USP6NL: variants seen among roughly 807,000 people sequenced by gnomAD.
USP6NL encodes USP6 N-terminal like.
USP6NL carries 26 observed loss-of-function variants against 61.9 expected under a neutral mutation model. The ratio of observed to expected loss-of-function variants is 0.42; its 90% CI spans 0.31 to 0.58. The LOEUF is 0.58. Ranked by LOEUF, USP6NL falls within the 20% of genes least tolerant of loss-of-function variation. USP6NL has a pLI of 0.16. For synonymous variants in USP6NL, 432 were observed against 390.1 expected (o/e 1.11, Z -1.27); for missense variants, 1,114 against 1,034.3 (o/e 1.08, Z -1.06).
At chr10:11,509,505 A>C in intron 6 of USP6NL, 90 bp downstream of exon 6, 3 of 1,234,694 alleles carry the variant, frequency 2.4e-6, no homozygotes, top group Non-Finnish European at 3.3e-6. Context: ...ATATGAATGT[A>C]ACACTCTTAT....
chr10:11,570,694 C>G (rs899432146), intron 2 of USP6NL, among the ~76,000 whole-genome samples: 1 of 152,190 alleles, frequency 6.6e-6, no homozygotes, highest in African/African-American at 2.4e-5. Flanking sequence ...CAGTAACACA[C>G]AGCTCTTATG....
chr10:11,577,816 G>A (rs758968841), intron 2 of USP6NL, among the ~76,000 whole-genome samples: 7 of 152,276 alleles, frequency 4.6e-5, no homozygotes, highest in South Asian at 2.1e-4. Flanking sequence ...GATTACAGGC[G>A]TGAGCCACTG....
chr10:11,463,373 C>T lies in USP6NL; in HGVS notation c.1555G>A (p.Val519Ile), dbSNP rs200955103. ...RAAHPALAVT[V>I]PGPAEVRVSN... is the part of the protein sequence containing the mutation. Reference sequence around the variant, plus strand: ...ACCCGCACCTCGGCAGGACCTGGGACGGTAACTGCGAGCGCGGGGTGCGCT... The same window carrying T: ...ACCCGCACCTCGGCAGGACCTGGGATGGTAACTGCGAGCGCGGGGTGCGCT... The change falls in exon 15 of 15, where the codon GTC (valine) becomes ATC (isoleucine). Residue 519 changes from valine to isoleucine, a missense_variant. Transcript: ENST00000609104. The surrounding 1 kb of genome is among the most constrained non-coding windows in gnomAD (Gnocchi z 6.3). 7.9e-4 allele frequency: 1,279 copies of T among 1,614,016 alleles called. 13 individuals are homozygous for T. In the African/African-American group the frequency reaches 0.014, roughly 18 times the overall value.
chr10:11,485,233 T>C lies in USP6NL; in HGVS notation c.761A>G (p.Asp254Gly). 1.3e-6 allele frequency: 2 copies of C among 1,520,400 alleles called. No homozygotes were observed. The highest frequency in any genetic ancestry group is 1.8e-6 in the Non-Finnish European group (2 of 1,138,972). 94.2% of individuals were successfully genotyped at this position (1,520,400 alleles called of 1,614,324 possible). ...KFLSKLKQHL[D>G]SQEIYTSFYT... Reference sequence around the variant, plus strand: ...AAAACTTGTGTAGATTTCTTGAGAATCCTGAAAAAACAAAGAGCTCACAAT... The same window carrying C: ...AAAACTTGTGTAGATTTCTTGAGAACCCTGAAAAAACAAAGAGCTCACAAT... The change falls in exon 12 of 15, where the codon GAT (aspartate) becomes GGT (glycine). Residue 254 changes from aspartate to glycine, a missense_variant and splice_region_variant. By Grantham distance (94) the Asp-to-Gly change is moderately conservative. Transcript: ENST00000609104. The surrounding 1 kb of genome is among the most constrained non-coding windows in gnomAD (Gnocchi z 4.8).
In USP6NL at chr10:11,462,575, G is replaced by A. The variant is rs1566106170; in HGVS notation, c.2353C>T (p.Pro785Ser). The A allele has an allele frequency of 6.2e-7, 1 of 1,613,996 alleles. No individual in the cohort carries two copies. Among genetic ancestry groups the A allele is most frequent in the Non-Finnish European group, 8.5e-7 (1 of 1,179,888 alleles). The change falls in exon 15 of 15, where the codon CCC (proline) becomes TCC (serine). Residue 785 changes from proline to serine, a missense_variant. Transcript: ENST00000609104. ...GCCGGTGAAGCTTTATATCTCACGG[G>A]ACTATCTACAGAAACTGCAGGGAGG... is the stretch of plus-strand genomic sequence containing the variant. ...HGLPAVSVDS[P>S]VRYKASPAAE...
Position 11,470,495 on chromosome 10 carries a change from G to A in USP6NL, c.1079-6646C>T, listed in dbSNP as rs542770023. ...ATCATGCAGACCCTGTAAGAAGGAC[G>A]AATGCCATCACCAGTAACATTTTTA... On this transcript the variant is annotated intron_variant, in intron 14 of 14. Transcript: ENST00000609104. The surrounding 1 kb of genome is among the most constrained non-coding windows in gnomAD (Gnocchi z 5.4). Among the ~76,000 whole-genome samples, 3 of 152,284 alleles carry A rather than the reference G, an allele frequency of 2.0e-5. No homozygotes were observed. The highest frequency in any genetic ancestry group is 6.5e-5 in the Admixed American group (1 of 15,306).
rs1838387040 is a variant in USP6NL, at chr10:11,598,067, A to G, written c.-83-350T>C. ...AGAAGGCACTCCATCTAGGGTAAAT[A>G]CAGCCCACATCATCCCTGCTGAGTA... On this transcript the variant is annotated intron_variant, in intron 1 of 14. Coordinates refer to ENST00000609104, the MANE Select transcript of USP6NL (RefSeq NM_014688.5). This position sits in a 1 kb window ranked among gnomAD's most constrained non-coding sequence, Gnocchi z 4.7. Among the ~76,000 whole-genome samples, 1 of 152,242 alleles carries G rather than the reference A, an allele frequency of 6.6e-6. No individual in the cohort carries two copies. Among genetic ancestry groups the G allele is most frequent in the South Asian group, 2.1e-4 (1 of 4,826 alleles).
intron 1 of USP6NL, among the ~76,000 whole-genome samples, chr10:11,603,154 T>C (rs565420596): frequency 6.6e-6 from 1 of 152,212 alleles, no homozygotes; most frequent in Non-Finnish European, 1.5e-5. Flanking sequence ...TCTGGTTTCA[T>C]CGGTTTCTTT....
intron 7 of USP6NL, among the ~76,000 whole-genome samples, chr10:11,493,661 ATCCTAAGC>A (rs1454816751): frequency 1.3e-5 from 2 of 152,180 alleles, no homozygotes; most frequent in Non-Finnish European, 1.5e-5. Context: ...ACCTAATTCA[ATCCTAAGC>A]TCCACTATAA....
In USP6NL at chr10:11,491,185, C is replaced by T. The variant is rs1833695487; in HGVS notation, c.495-305G>A. 6.6e-6 allele frequency among the ~76,000 whole-genome samples: 1 copy of T among 152,280 alleles called. No individual in the cohort carries two copies. The highest frequency in any genetic ancestry group is 2.1e-4 in the South Asian group (1 of 4,830). On this transcript the variant is annotated intron_variant, in intron 8 of 14. Transcript: ENST00000609104. This position sits in a 1 kb window ranked among gnomAD's most constrained non-coding sequence, Gnocchi z 4.7. Reference sequence around the variant, plus strand: ...AGACCCTTCTGATAGAAGCAGCTGGCTTGACAGAATGGTGGAATGGCCTTT... The same window carrying T: ...AGACCCTTCTGATAGAAGCAGCTGGTTTGACAGAATGGTGGAATGGCCTTT...
chr10:11,532,332 A>T lies in USP6NL; in HGVS notation c.5-4765T>A. On this transcript the variant is annotated intron_variant, in intron 2 of 14. Coordinates refer to ENST00000609104, the MANE Select transcript of USP6NL (RefSeq NM_014688.5). The surrounding 1 kb of genome is among the most constrained non-coding windows in gnomAD (Gnocchi z 4.1). ...TACCTCACACATTCTGCAACTAACT[A>T]AAACAAAGAAAGGCAGAGGCAGCTC... 1 of 978,894 alleles carries T rather than the reference A, an allele frequency of 1.0e-6. No individual in the cohort carries two copies. The highest frequency in any genetic ancestry group is 1.8e-5 in the South Asian group (1 of 54,274). 60.6% of individuals were successfully genotyped at this position (978,894 alleles called of 1,614,324 possible).
At position 11,510,945 on chromosome 10, in the gene USP6NL, T is replaced by C. The variant is rs565600500; in HGVS notation, c.196-1270A>G. Reference sequence around the variant, plus strand: ...TCTGCCCTAGTTCAGGCAATCATCATTCCTGGATGGAAGCAGCAGCTCCTT... The same window carrying C: ...TCTGCCCTAGTTCAGGCAATCATCACTCCTGGATGGAAGCAGCAGCTCCTT... On this transcript the variant is annotated intron_variant, in intron 5 of 14. Coordinates refer to ENST00000609104, the MANE Select transcript of USP6NL (RefSeq NM_014688.5). This position sits in a 1 kb window ranked among gnomAD's most constrained non-coding sequence, Gnocchi z 4.8. Among the ~76,000 whole-genome samples, 2 of 152,344 alleles carry C rather than the reference T, an allele frequency of 1.3e-5. No individual in the cohort carries two copies. Among genetic ancestry groups the C allele is most frequent in the South Asian group, 4.1e-4 (2 of 4,830 alleles).
intron 1 of USP6NL, among the ~76,000 whole-genome samples, chr10:11,603,760 A>G (rs1437304199): frequency 6.6e-6 from 1 of 152,214 alleles, no homozygotes; most frequent in Non-Finnish European, 1.5e-5. Context: ...ATCTGCAGCT[A>G]ACAGAACATA....
chr10:11,582,397 A>G lies in USP6NL; in HGVS notation c.4+15234T>C, dbSNP rs544919316. ...ATTACAGGCGTGAGCCACGGTGCCCAGCCTCTACTTAAGTTTTAAAGGAGG... is the reference window on the plus strand; with the variant it reads ...ATTACAGGCGTGAGCCACGGTGCCCGGCCTCTACTTAAGTTTTAAAGGAGG... On this transcript the variant is annotated intron_variant, in intron 2 of 14. Coordinates refer to ENST00000609104, the MANE Select transcript of USP6NL (RefSeq NM_014688.5). 2.0e-5 allele frequency among the ~76,000 whole-genome samples: 3 copies of G among 152,342 alleles called. No individual in the cohort carries two copies. The South Asian group carries it at 6.2e-4, about 32-fold the overall frequency.
chr10:11,522,403 A>G (rs1835247335), intron 4 of USP6NL, among the ~76,000 whole-genome samples: 1 of 152,252 alleles, frequency 6.6e-6, no homozygotes, highest in South Asian at 2.1e-4. Flanking sequence ...TGCTTACACC[A>G]AATGATTTTA....
At chr10:11,492,651 G>C (rs1249475260) in intron 8 of USP6NL, among the ~76,000 whole-genome samples, 3 of 152,206 alleles carry the variant, frequency 2.0e-5, no homozygotes. Context: ...TTCCTGATTA[G>C]ACTCTCTGAC....
intron 2 of USP6NL, among the ~76,000 whole-genome samples, chr10:11,545,392 A>T (rs1364414605): frequency 6.6e-6 from 1 of 152,196 alleles, no homozygotes; most frequent in Non-Finnish European, 1.5e-5. Flanking sequence ...AAAACTAATT[A>T]ACACTTTCTT....
In USP6NL at chr10:11,596,332, T is replaced by C. The variant is rs1171703321; in HGVS notation, c.4+1299A>G. Reference sequence around the variant, plus strand: ...TGATTGGAGCTGAAATAACAAAAGCTCTTTCTTGGCCGGGCGCGGTGGCTC... The same window carrying C: ...TGATTGGAGCTGAAATAACAAAAGCCCTTTCTTGGCCGGGCGCGGTGGCTC... On this transcript the variant is annotated intron_variant, in intron 2 of 14. Coordinates refer to ENST00000609104, the MANE Select transcript of USP6NL (RefSeq NM_014688.5). This position sits in a 1 kb window ranked among gnomAD's most constrained non-coding sequence, Gnocchi z 4.1. Among the ~76,000 whole-genome samples, 1 of 152,082 alleles carries C rather than the reference T, an allele frequency of 6.6e-6. No homozygotes were observed. The highest frequency in any genetic ancestry group is 1.5e-5 in the Non-Finnish European group (1 of 68,012).
chr10:11,601,993 G>GA (rs1027057686), intron 1 of USP6NL, among the ~76,000 whole-genome samples: 11 of 148,138 alleles, frequency 7.4e-5, no homozygotes, highest in Non-Finnish European at 1.3e-4. Context: ...AAAAAAGAAA[G>GA]AAAAAAAAAG....
Sources: gnomAD v4.1 joint callset for allele counts (sites outside exome capture counted in the v4.1 genomes callset) on GRCh38, gnomAD v4.1.1 for gene constraint, Gnocchi (gnomAD v3.1) non-coding constraint, MANE v1.5 for transcripts, NCBI Gene and HGNC (gene_info 2026-07-23, HGNC 2026-07-21) for gene names.